The following LIMCH1 variants were observed in gnomAD, a reference collection of about 807,000 sequenced individuals.
LIMCH1 encodes the protein LIM and calponin homology domains-containing protein 1.
In LIMCH1, 113 loss-of-function variants were observed where a neutral mutation model predicts 176.5. That is an observed-to-expected ratio of 0.64 (90% CI 0.55 to 0.75). The LOEUF (loss-of-function observed/expected upper bound fraction) is 0.75. Among genes scored for constraint, LIMCH1 ranks in the 30% least tolerant of loss-of-function variants. The pLI, the probability that LIMCH1 is intolerant of heterozygous loss-of-function variation, is 0.00. For synonymous variants in LIMCH1, 619 were observed against 645.9 expected, an observed-to-expected ratio of 0.96 and a Z score of 0.63; for missense variants, 1,674 against 1,814.9, an observed-to-expected ratio of 0.92 and a Z score of 1.41.
At chr4:41,622,028 C>T (rs915819997) in intron 7 of LIMCH1, among the ~76,000 whole-genome samples, 2 of 151,148 alleles carry the variant, frequency 1.3e-5, no homozygotes, top group African/African-American at 4.9e-5. Context: ...TGGTATATTA[C>T]AGATAATCAT....
intron 1 of LIMCH1, among the ~76,000 whole-genome samples, chr4:41,563,488 A>C (rs2082322219): frequency 6.6e-6 from 1 of 152,142 alleles, no homozygotes; most frequent in Non-Finnish European, 1.5e-5. Context: ...TTGCAAATGG[A>C]TTTTAGTATT....
In LIMCH1 at chr4:41,620,755, TAG is replaced by T. The variant is rs1330275558; in HGVS notation, c.725+70_725+71del. ...CATGCCTGGGGATTTGGAATCTGTCTAGAGAGTTGGAGTTTTCATCTGATTTT... is the reference window on the plus strand; with the variant it reads ...CATGCCTGGGGATTTGGAATCTGTCTAGAGTTGGAGTTTTCATCTGATTTT... On this transcript the variant is annotated intron_variant, in intron 7 of 31. Coordinates refer to ENST00000503057, the MANE Select transcript of LIMCH1 (RefSeq NM_001330672.2). 11 of 1,454,144 alleles carry T rather than the reference TAG, an allele frequency of 7.6e-6. No homozygotes were observed. The East Asian group carries it at 2.2e-4, about 29-fold the overall frequency. The allele number at this position is 1,454,144 out of a possible 1,614,324, so 90.1% of individuals were successfully genotyped here.
intron 1 of LIMCH1, among the ~76,000 whole-genome samples, chr4:41,381,488 C>A (rs1009477033): frequency 2.0e-5 from 3 of 152,158 alleles, no homozygotes; most frequent in Non-Finnish European, 2.9e-5. Context: ...GTTGGCTATA[C>A]CAGTTTTCCA....
At chr4:41,451,467 G>A (rs563479781) in intron 1 of LIMCH1, among the ~76,000 whole-genome samples, 35 of 152,116 alleles carry the variant, frequency 2.3e-4, no homozygotes, top group African/African-American at 6.8e-4. Context: ...TTTTATGGTC[G>A]AAAGAAGGCT....
rs1287674464 is a variant in LIMCH1, at chr4:41,425,831, T to A, written c.96+64895T>A. Among the ~76,000 whole-genome samples the A allele has an allele frequency of 2.0e-5, 3 of 152,204 alleles. No homozygotes were observed. The East Asian group carries it at 5.8e-4, about 29-fold the overall frequency. ...CTGTTGGAGGCTTTTCTGTTTGGGA[T>A]TCTGCCCACATATGCAGACACTTAA... On this transcript the variant is annotated intron_variant, in intron 1 of 26. Transcript: ENST00000313860.
intron 1 of LIMCH1, among the ~76,000 whole-genome samples, chr4:41,564,479 T>A (rs906833810): frequency 1.3e-5 from 2 of 152,220 alleles, no homozygotes; most frequent in African/African-American, 4.8e-5. Flanking sequence ...TGCTTGGTTC[T>A]GTGGGGGAAT....
At chr4:41,375,543 AT>A (rs1017442094) in intron 1 of LIMCH1, among the ~76,000 whole-genome samples, 4 of 152,150 alleles carry the variant, frequency 2.6e-5, no homozygotes, top group Non-Finnish European at 4.4e-5. Context: ...CCAGTATCTG[AT>A]TTTTTTCCCA....
At chr4:41,643,130 C>T (rs943104742) in intron 14 of LIMCH1, among the ~76,000 whole-genome samples, 3 of 152,208 alleles carry the variant, frequency 2.0e-5, no homozygotes, top group African/African-American at 7.2e-5. Context: ...CATTTATACA[C>T]ATTCCTTTTG....
chr4:41,663,133 T>TTGTG, intron 20 of LIMCH1, 149 bp downstream of exon 20: 1 of 571,552 alleles, frequency 1.7e-6, no homozygotes, highest in South Asian at 2.1e-5. Context: ...TTTTTCTTTT[T>TTGTG]CGTGTGTGTG....
At chr4:41,365,568 A>G (rs545386137) in intron 1 of LIMCH1, among the ~76,000 whole-genome samples, 18 of 152,356 alleles carry the variant, frequency 1.2e-4, no homozygotes, top group African/African-American at 4.3e-4. Flanking sequence ...ACATCTTTTT[A>G]TCCCAACAGG....
chr4:41,366,439 A>G (rs2052999325), intron 1 of LIMCH1, among the ~76,000 whole-genome samples: 1 of 152,194 alleles, frequency 6.6e-6, no homozygotes, highest in Non-Finnish European at 1.5e-5. Flanking sequence ...CAATTTTATA[A>G]TAGAACACCT....
chr4:41,589,324 C>T (rs912657733), intron 1 of LIMCH1, among the ~76,000 whole-genome samples: 7 of 152,158 alleles, frequency 4.6e-5, no homozygotes, highest in Admixed American at 1.3e-4. Context: ...CAGGAGCTCA[C>T]CTGGCATGTC....
intron 1 of LIMCH1, among the ~76,000 whole-genome samples, chr4:41,550,534 T>C (rs1386317479): frequency 4.6e-5 from 7 of 152,216 alleles, no homozygotes; most frequent in Admixed American, 2.0e-4. Context: ...CAGGAACTGT[T>C]TCCTTGTTTT....
At chr4:41,547,323 C>T (rs1306328987) in intron 1 of LIMCH1, among the ~76,000 whole-genome samples, 3 of 152,126 alleles carry the variant, frequency 2.0e-5, no homozygotes, top group African/African-American at 4.8e-5. Context: ...CTGTTACCTC[C>T]TCCTTAGCCT....
chr4:41,443,808 T>C (rs2062969085), intron 1 of LIMCH1, among the ~76,000 whole-genome samples: 1 of 152,130 alleles, frequency 6.6e-6, no homozygotes, highest in Admixed American at 6.5e-5. Context: ...TTCCAGCCTG[T>C]GAAGGATGTG....
rs2093980278 is a variant in LIMCH1, at chr4:41,644,526, G to A, written c.2153G>A (p.Cys718Tyr). Reference sequence around the variant, plus strand: ...AGCACCAGCATGTTTGACATGCGGTGTGAGGAGGAGGCCGCGGTGCAGCCG... The same window carrying A: ...AGCACCAGCATGTTTGACATGCGGTATGAGGAGGAGGCCGCGGTGCAGCCG... ...AESTSMFDMR[C>Y]EEEAAVQPHS... Residue 718 changes from cysteine (C) to tyrosine (Y), a missense_variant, in exon 15 of 32, where the codon TGT becomes TAT. Cys to Tyr is a radical substitution (Grantham distance 194). Coordinates refer to ENST00000503057, the MANE Select transcript of LIMCH1 (RefSeq NM_001330672.2). The A allele has an allele frequency of 6.3e-7, 1 of 1,589,216 alleles. No individual in the cohort carries two copies. The highest frequency in any genetic ancestry group is 1.3e-5 in the African/African-American group (1 of 74,184).
chr4:41,579,568 G>A (rs930670279), intron 1 of LIMCH1, among the ~76,000 whole-genome samples: 7 of 152,100 alleles, frequency 4.6e-5, no homozygotes, highest in African/African-American at 1.4e-4. Flanking sequence ...ACAGTGATCC[G>A]CATCATGTAT....
chr4:41,523,486 C>T (rs993890033), intron 2 of LIMCH1, among the ~76,000 whole-genome samples: 1 of 152,202 alleles, frequency 6.6e-6, no homozygotes, highest in Non-Finnish European at 1.5e-5. Context: ...TTATGATACA[C>T]TCCTACCCTA....
At chr4:41,454,825 C>CT (rs1561424485) in intron 1 of LIMCH1, among the ~76,000 whole-genome samples, 3 of 152,094 alleles carry the variant, frequency 2.0e-5, no homozygotes, top group African/African-American at 7.2e-5. Context: ...ATCCAATGCT[C>CT]AGTGGTGAGA....
Sources: allele counts gnomAD v4.1 joint callset (sites outside exome capture counted in the v4.1 genomes callset), GRCh38; gene constraint gnomAD v4.1.1; transcripts MANE v1.5; gene names NCBI Gene and HGNC (gene_info 2026-07-23, HGNC 2026-07-21).